Variants in SAMD12 observed in about 807,000 individuals in gnomAD.
SAMD12 encodes sterile alpha motif domain containing 12.
A neutral mutation model predicts 15.0 loss-of-function variants in SAMD12; 9 were observed. That is an observed-to-expected ratio of 0.60 (90% CI 0.36 to 1.05). The LOEUF is 1.05. SAMD12 is among the 50% of genes least tolerant of loss of function. The probability of loss-of-function intolerance (pLI) is 0.01; values close to 1 mark genes in which losing one functional copy is unlikely to be tolerated. For missense variants in SAMD12, 230 were observed against 234.2 expected (o/e 0.98, Z 0.12); for synonymous variants, 86 against 90.1 (o/e 0.96, Z 0.25).
At chr8:118,394,486 A>G (rs1280928338) in intron 3 of SAMD12, among the ~76,000 whole-genome samples, 1 of 152,224 alleles carries the variant, frequency 6.6e-6, no homozygotes, top group Non-Finnish European at 1.5e-5. Flanking sequence ...AAAATCCTGG[A>G]CATTGCTTAA....
chr8:118,594,074 G>A (rs1213805530), intron 1 of SAMD12, among the ~76,000 whole-genome samples: 1 of 152,158 alleles, frequency 6.6e-6, no homozygotes, highest in African/African-American at 2.4e-5. Context: ...TAAGCTTTTA[G>A]AGACCCCAGA....
chr8:118,479,843 T>C (rs1189514102), intron 2 of SAMD12, among the ~76,000 whole-genome samples: 2 of 152,034 alleles, frequency 1.3e-5, no homozygotes, highest in African/African-American at 4.8e-5. Flanking sequence ...TTGTCATTTG[T>C]GATCACTGCT....
chr8:118,354,937 C>T (rs537593381), intron 4 of SAMD12, among the ~76,000 whole-genome samples: 1 of 152,172 alleles, frequency 6.6e-6, no homozygotes, highest in African/African-American at 2.4e-5. Context: ...ATAAATATTT[C>T]TCAGCAGAAC....
intron 2 of SAMD12, among the ~76,000 whole-genome samples, chr8:118,544,306 T>A (rs1372837828): frequency 3.3e-5 from 5 of 152,156 alleles, no homozygotes; most frequent in Non-Finnish European, 7.3e-5. Flanking sequence ...GAAGTAGTCT[T>A]CCACAAAAAC....
intron 4 of SAMD12, among the ~76,000 whole-genome samples, chr8:118,292,198 A>T (rs540063288): frequency 6.6e-6 from 1 of 151,552 alleles, no homozygotes; most frequent in South Asian, 2.1e-4. Flanking sequence ...TGCTGTGTAA[A>T]CTGCTTGGGT....
chr8:118,551,406 C>T (rs1366755390), intron 2 of SAMD12, among the ~76,000 whole-genome samples: 1 of 151,832 alleles, frequency 6.6e-6, no homozygotes, highest in Non-Finnish European at 1.5e-5. Flanking sequence ...GGAAACTGAA[C>T]AACCTGCTCC....
chr8:118,340,707 T>G (rs1056339196), intron 4 of SAMD12, among the ~76,000 whole-genome samples: 2 of 152,160 alleles, frequency 1.3e-5, no homozygotes, highest in African/African-American at 4.8e-5. Context: ...AGGTGGAGGT[T>G]GCAGTGAGCC....
intron 4 of SAMD12, among the ~76,000 whole-genome samples, chr8:118,241,905 T>C (rs1433823238): frequency 6.6e-6 from 1 of 152,166 alleles, no homozygotes; most frequent in Non-Finnish European, 1.5e-5. Flanking sequence ...GAGTGATATA[T>C]GCAATATGTG....
chr8:118,149,657 G>A, the SAMD12 span, among the ~76,000 whole-genome samples: 1 of 152,074 alleles, frequency 6.6e-6, no homozygotes, highest in Non-Finnish European at 1.5e-5. Context: ...CTAATCCATG[G>A]TTCCAAAAAT....
intron 4 of SAMD12, among the ~76,000 whole-genome samples, chr8:118,287,122 A>C (rs73320220): frequency 2.3e-5 from 3 of 132,840 alleles, no homozygotes; most frequent in African/African-American, 9.2e-5. Context: ...AAGGAAGAAT[A>C]TTTTTTTTTT....
In SAMD12 at chr8:118,452,931, A is replaced by G. The variant is rs1445941402; in HGVS notation, c.193-12970T>C. 4.6e-5 allele frequency among the ~76,000 whole-genome samples: 7 copies of G among 152,320 alleles called. No homozygotes were observed. In the South Asian group the frequency reaches 1.2e-3, roughly 27 times the overall value. ...ATTTATCATATTCAAAGGATTATCCATTGATACCACAATGAGAATGATCAA... is the reference window on the plus strand; with the variant it reads ...ATTTATCATATTCAAAGGATTATCCGTTGATACCACAATGAGAATGATCAA... On this transcript the variant is annotated intron_variant, in intron 2 of 3. Coordinates refer to ENST00000314727, the MANE Select transcript of SAMD12 (RefSeq NM_207506.3).
At chr8:118,418,075 T>A (rs1307145592) in intron 3 of SAMD12, among the ~76,000 whole-genome samples, 5 of 152,216 alleles carry the variant, frequency 3.3e-5, no homozygotes, top group African/African-American at 1.2e-4. Context: ...CCCTATTCCT[T>A]CGTGCCTACC....
At chr8:118,446,201 G>A (rs1308921021) in intron 2 of SAMD12, among the ~76,000 whole-genome samples, 3 of 148,204 alleles carry the variant, frequency 2.0e-5, no homozygotes, top group East Asian at 3.9e-4. Context: ...CATCACTGTT[G>A]TAGTGTCTTT....
At chr8:118,266,728 C>T (rs1285192168) in intron 4 of SAMD12, among the ~76,000 whole-genome samples, 1 of 152,038 alleles carries the variant, frequency 6.6e-6, no homozygotes, top group Non-Finnish European at 1.5e-5. Flanking sequence ...TAAAATAGGA[C>T]AGCCACAGAA....
the SAMD12 span, among the ~76,000 whole-genome samples, chr8:118,133,822 G>C: frequency 1.3e-5 from 2 of 151,976 alleles, no homozygotes; most frequent in Admixed American, 6.6e-5. Flanking sequence ...TGAATTTATG[G>C]AATGATTGTC....
At chr8:118,292,705 G>A (rs1276642265) in intron 4 of SAMD12, among the ~76,000 whole-genome samples, 2 of 151,968 alleles carry the variant, frequency 1.3e-5, no homozygotes, top group Non-Finnish European at 2.9e-5. Flanking sequence ...TATACACCAC[G>A]GAATACTATG....
intron 3 of SAMD12, among the ~76,000 whole-genome samples, chr8:118,429,334 T>C (rs1276337317): frequency 3.9e-5 from 6 of 152,240 alleles, no homozygotes; most frequent in East Asian, 1.9e-4. Context: ...CTCACTGCAG[T>C]ACTTCAGATT....
At chr8:118,377,113 A>G (rs1586628637), downstream of SAMD12, among the ~76,000 whole-genome samples, 1 of 152,090 alleles carries the variant, frequency 6.6e-6, no homozygotes, top group East Asian at 1.9e-4. Flanking sequence ...TTTGAGCATT[A>G]ACATGTGAAG....
intron 4 of SAMD12, among the ~76,000 whole-genome samples, chr8:118,217,420 A>T (rs1275519662): frequency 9.2e-5 from 14 of 152,216 alleles, no homozygotes; most frequent in Non-Finnish European, 2.1e-4. Context: ...AGTATGGGTG[A>T]GGGATTGTGC....
Sources: gnomAD v4.1 joint callset for allele counts (sites outside exome capture counted in the v4.1 genomes callset) on GRCh38, gnomAD v4.1.1 for gene constraint, MANE v1.5 for transcripts, NCBI Gene and HGNC (gene_info 2026-07-23, HGNC 2026-07-21) for gene names.